Variants in FARP1 observed in about 807,000 individuals in gnomAD.
FARP1 encodes FERM, ARH/RhoGEF and pleckstrin domain protein 1.
In FARP1, 52 loss-of-function variants were observed where a neutral mutation model predicts 128.8. That is an observed-to-expected ratio of 0.40 (90% CI 0.32 to 0.51). The LOEUF (loss-of-function observed/expected upper bound fraction) is 0.51, where lower values mean the gene tolerates loss of function less well. Ranked by LOEUF, FARP1 falls within the 20% of genes least tolerant of loss-of-function variation. FARP1 has a pLI of 0.45. For missense variants in FARP1, 1,333 were observed against 1,367.9 expected, an observed-to-expected ratio of 0.97 and a Z score of 0.40; for synonymous variants, 580 against 551.8, an observed-to-expected ratio of 1.05 and a Z score of -0.72.
intron 1 of FARP1, among the ~76,000 whole-genome samples, chr13:98,162,775 G>T (rs1052504338): frequency 6.6e-6 from 1 of 152,108 alleles, no homozygotes; most frequent in Admixed American, 6.6e-5. Context: ...TGGCTGAGGC[G>T]CCTTGCAAGT....
chr13:98,386,660 T>C (rs1360049946), intron 8 of FARP1, among the ~76,000 whole-genome samples: 3 of 152,184 alleles, frequency 2.0e-5, no homozygotes, highest in Non-Finnish European at 4.4e-5. Context: ...CCTGTGCTTT[T>C]AGTTTCAAAG....
chr13:98,235,920 T>TTAAA (rs1882387641), intron 2 of FARP1, among the ~76,000 whole-genome samples: 1 of 150,784 alleles, frequency 6.6e-6, no homozygotes, highest in Non-Finnish European at 1.5e-5. Context: ...GCCTCCTGGG[T>TTAAA]TAAAGCAATT....
chr13:98,263,225 C>T (rs1048853705), intron 2 of FARP1, among the ~76,000 whole-genome samples: 2 of 152,074 alleles, frequency 1.3e-5, no homozygotes, highest in African/African-American at 4.8e-5. Context: ...TCAGGCTGGT[C>T]TCAAACTCCT....
chr13:98,318,201 A>G (rs112709108), intron 2 of FARP1, among the ~76,000 whole-genome samples: 4,358 of 150,640 alleles, frequency 0.029, 94 homozygotes, highest in Non-Finnish European at 0.043. Flanking sequence ...GACTACAGGC[A>G]TGCACCACCA....
intron 1 of FARP1, among the ~76,000 whole-genome samples, chr13:98,143,734 C>T (rs2139058504): frequency 6.6e-6 from 1 of 151,718 alleles, no homozygotes; most frequent in Middle Eastern, 3.4e-3. Flanking sequence ...GCCCCCTGCG[C>T]CCCTCTCCCC....
intron 2 of FARP1, among the ~76,000 whole-genome samples, chr13:98,257,953 A>T (rs1883687963): frequency 6.6e-6 from 1 of 152,308 alleles, no homozygotes; most frequent in South Asian, 2.1e-4. Context: ...CTATCAAAAC[A>T]TCATGTCGTA....
chr13:98,292,497 T>C (rs1347585776), intron 2 of FARP1, among the ~76,000 whole-genome samples: 1 of 152,222 alleles, frequency 6.6e-6, no homozygotes, highest in African/African-American at 2.4e-5. Context: ...CAACATTCAA[T>C]ACAGTAGTCA....
intron 2 of FARP1, among the ~76,000 whole-genome samples, chr13:98,232,668 AT>A (rs141379449): frequency 3.3e-5 from 5 of 152,008 alleles, no homozygotes; most frequent in African/African-American, 1.2e-4. Context: ...TGGTGTAAAC[AT>A]TTTTTTTATG....
rs144076801 is a variant in FARP1 at position 98,305,662 on chromosome 13, ACTT to A, written c.172-38096_172-38094del. ...GAATTTCCTTAATGTGAAAAGCTTC[ACTT>A]CTTTAAGGACGCCTTCATCATTTGC... is the stretch of plus-strand genomic sequence containing the variant. On this transcript the variant is annotated intron_variant, in intron 2 of 26. Coordinates refer to ENST00000319562, the MANE Select transcript of FARP1 (RefSeq NM_005766.4). Among the ~76,000 whole-genome samples the A allele has an allele frequency of 7.5e-3, 1,136 of 152,182 alleles. 7 individuals are homozygous for A. Among genetic ancestry groups the A allele is most frequent in the East Asian group, 0.046 (236 of 5,174 alleles).
Position 98,176,266 on chromosome 13 carries a change from T to G in FARP1, c.-24+32774T>G. Reference sequence around the variant, plus strand: ...ACACTCATGGGGGTCTTCTGTGAAATGGGACTTGCCCCCACCTTCTGCAGC... The same window carrying G: ...ACACTCATGGGGGTCTTCTGTGAAAGGGGACTTGCCCCCACCTTCTGCAGC... On this transcript the variant is annotated intron_variant, in intron 1 of 26. Coordinates refer to ENST00000319562, the MANE Select transcript of FARP1 (RefSeq NM_005766.4). The surrounding 1 kb of genome is among the most constrained non-coding windows in gnomAD (Gnocchi z 6.2). 1 of 1,611,314 alleles carries G rather than the reference T, an allele frequency of 6.2e-7. No individual in the cohort carries two copies. Among genetic ancestry groups the G allele is most frequent in the Non-Finnish European group, 8.5e-7 (1 of 1,178,192 alleles).
At chr13:98,421,663 GC>G (rs1284751457) in intron 16 of FARP1, among the ~76,000 whole-genome samples, 1 of 152,142 alleles carries the variant, frequency 6.6e-6, no homozygotes, top group Non-Finnish European at 1.5e-5. Flanking sequence ...TTCAAGGCCA[GC>G]TTTGACAAAA....
At chr13:98,268,760 A>G (rs9554459) in intron 2 of FARP1, among the ~76,000 whole-genome samples, 45,156 of 149,802 alleles carry the variant, frequency 0.3, 7,178 homozygotes, top group South Asian at 0.48. Context: ...GAGCTACTGC[A>G]TCTGGCCTTT....
chr13:98,257,977 T>G (rs528398659), intron 2 of FARP1, among the ~76,000 whole-genome samples: 11 of 152,132 alleles, frequency 7.2e-5, no homozygotes, highest in Non-Finnish European at 1.6e-4. Context: ...CATTGATATA[T>G]ATAATTTTTT....
chr13:98,161,741 C>T (rs974876467), intron 1 of FARP1, among the ~76,000 whole-genome samples: 1 of 152,020 alleles, frequency 6.6e-6, no homozygotes, highest in Non-Finnish European at 1.5e-5. Context: ...TTCTCTCTTT[C>T]TTTCCTTCCC....
intron 3 of FARP1, among the ~76,000 whole-genome samples, chr13:98,357,695 G>T (rs1888696392): frequency 6.6e-6 from 1 of 152,102 alleles, no homozygotes; most frequent in South Asian, 2.1e-4. Flanking sequence ...TGTCATTCGT[G>T]TGAGTTCTAG....
At chr13:98,278,165 G>C (rs1403406484) in intron 2 of FARP1, among the ~76,000 whole-genome samples, 2 of 136,756 alleles carry the variant, frequency 1.5e-5, no homozygotes, top group Non-Finnish European at 3.2e-5. Context: ...GTGTGTATGA[G>C]TGAGTGAGTG....
chr13:98,161,435 T>G (rs1387442262), intron 1 of FARP1, among the ~76,000 whole-genome samples: 9 of 152,102 alleles, frequency 5.9e-5, no homozygotes, highest in Non-Finnish European at 4.4e-5. Context: ...AAGGCTGGTC[T>G]CGATCTCCTG....
At chr13:98,418,806 A>C (rs545408230) in intron 16 of FARP1, among the ~76,000 whole-genome samples, 4 of 152,230 alleles carry the variant, frequency 2.6e-5, no homozygotes, top group African/African-American at 7.2e-5. Context: ...ACTGTATTTT[A>C]ATATGTGCCC....
Position 98,431,160 on chromosome 13 carries a change from T to TA in FARP1, c.2024dup (p.Tyr675Ter). 3 of 1,613,898 alleles carry TA rather than the reference T, an allele frequency of 1.9e-6. No individual in the cohort carries two copies. Among genetic ancestry groups the TA allele is most frequent in the Non-Finnish European group, 2.5e-6 (3 of 1,179,848 alleles). ...CRDFELQKVC[Y>*]LPLNTFLLRP... ...AGACTTTGAGCTGCAGAAGGTGTGT[T>TA]ACCTACCGCTCAACACCTTCCTCCT... The change falls in exon 18 of 27, where the codon TAC (tyrosine) becomes TAAC (stop). Residue 675 changes from tyrosine (Y) to a stop codon, truncating the protein, a stop_gained and frameshift_variant. Transcript: ENST00000319562. LOFTEE classifies it high-confidence loss of function.
Sources: allele counts gnomAD v4.1 joint callset (sites outside exome capture counted in the v4.1 genomes callset), GRCh38; gene constraint gnomAD v4.1.1; non-coding constraint Gnocchi (gnomAD v3.1); transcripts MANE v1.5; gene names NCBI Gene and HGNC (gene_info 2026-07-23, HGNC 2026-07-21).